NTM: variants seen among roughly 807,000 people sequenced by gnomAD.
NTM encodes the protein neurotrimin, also known as IgLON family member 2.
In NTM, 13 loss-of-function variants were observed where a neutral mutation model predicts 42.1. The ratio of observed to expected loss-of-function variants is 0.31; its 90% CI spans 0.20 to 0.49. The LOEUF (loss-of-function observed/expected upper bound fraction) is 0.49, where lower values mean the gene tolerates loss of function less well. NTM is among the 20% of genes least tolerant of loss of function. The pLI, the probability that NTM is intolerant of heterozygous loss-of-function variation, is 0.99. For missense variants in NTM, 373 were observed against 452.8 expected, an observed-to-expected ratio of 0.82 and a Z score of 1.60; for synonymous variants, 187 against 179.2, an observed-to-expected ratio of 1.04 and a Z score of -0.35.
intron 1 of NTM, among the ~76,000 whole-genome samples, chr11:131,608,889 G>C (rs931744282): frequency 5.9e-5 from 9 of 152,182 alleles, no homozygotes; most frequent in East Asian, 3.9e-4. Context: ...ATGGAGTCAT[G>C]ATGAAATATC....
intron 7 of NTM, chr11:132,315,111 A>G (rs1381041888): frequency 1.7e-5 from 17 of 991,242 alleles, no homozygotes; most frequent in Non-Finnish European, 1.9e-5. Context: ...ATGGCTCCTA[A>G]GCTGACTGTG....
chr11:131,774,981 T>C (rs191769292), intron 1 of NTM, among the ~76,000 whole-genome samples: 2 of 152,332 alleles, frequency 1.3e-5, no homozygotes, highest in Admixed American at 1.3e-4. Context: ...CACATCTCTC[T>C]GGGAGTTTTG....
rs189271837 is a variant in NTM at position 132,063,901 on chromosome 11, A to G, written c.168-82381A>G. Among the ~76,000 whole-genome samples the G allele has an allele frequency of 5.9e-5, 9 of 152,220 alleles. No individual in the cohort carries two copies. The East Asian group carries it at 1.2e-3, about 20-fold the overall frequency. The stretch of plus-strand genomic sequence containing the variant: ...TTCACCCTCTCTAAGCTTTTAGTCA[A>G]CTCTCCAGAGAGTCAGAATCTGTTA... On this transcript the variant is annotated intron_variant, in intron 2 of 8. Coordinates refer to ENST00000683400, the MANE Select transcript of NTM (RefSeq NM_001352005.2).
intron 3 of NTM, among the ~76,000 whole-genome samples, chr11:132,171,993 G>A (rs1344759712): frequency 2.6e-5 from 4 of 152,130 alleles, no homozygotes; most frequent in African/African-American, 4.8e-5. Context: ...TGTGGCCTTG[G>A]CCTATATTGG....
chr11:131,500,588 T>TACA (rs2046672140), intron 1 of NTM, among the ~76,000 whole-genome samples: 1 of 83,774 alleles, frequency 1.2e-5, no homozygotes, highest in Non-Finnish European at 2.6e-5. Flanking sequence ...TTTTTTTTTT[T>TACA]TTTTTTTGTA....
In NTM at chr11:132,094,178, A is replaced by G. The variant is rs182807243; in HGVS notation, c.168-52104A>G. ...AGTTTTATCTAGGTTATAGTTCACA[A>G]TGCACAGAGAAATCTTTAGGCTGAA... On this transcript the variant is annotated intron_variant, in intron 2 of 8. Coordinates refer to ENST00000683400, the MANE Select transcript of NTM (RefSeq NM_001352005.2). 1.4e-3 allele frequency among the ~76,000 whole-genome samples: 218 copies of G among 152,346 alleles called. 1 individual carries two copies. The highest frequency in any genetic ancestry group is 3.4e-3 in the Middle Eastern group (1 of 294).
chr11:132,092,723 C>G (rs2060515177), intron 2 of NTM, among the ~76,000 whole-genome samples: 1 of 152,170 alleles, frequency 6.6e-6, no homozygotes, highest in South Asian at 2.1e-4. Flanking sequence ...ACAGACCTCT[C>G]AAATTCAGTG....
At chr11:131,857,212 C>G (rs1230305034) in intron 1 of NTM, among the ~76,000 whole-genome samples, 1 of 152,196 alleles carries the variant, frequency 6.6e-6, no homozygotes, top group Non-Finnish European at 1.5e-5. Flanking sequence ...CTTTACTTGT[C>G]GTTGAAGTCT....
At chr11:131,586,648 A>G (rs986335315) in intron 1 of NTM, among the ~76,000 whole-genome samples, 3 of 152,068 alleles carry the variant, frequency 2.0e-5, no homozygotes, top group African/African-American at 7.2e-5. Flanking sequence ...CAGATTTTTG[A>G]CCCCAGAAAC....
intron 4 of NTM, among the ~76,000 whole-genome samples, chr11:132,290,443 G>C (rs1172764008): frequency 6.6e-6 from 1 of 152,130 alleles, no homozygotes; most frequent in Non-Finnish European, 1.5e-5. Flanking sequence ...AATAAGGACG[G>C]TGTCCTTCAT....
intron 3 of NTM, among the ~76,000 whole-genome samples, chr11:132,207,550 C>A (rs1263200022): frequency 6.6e-6 from 1 of 152,108 alleles, no homozygotes; most frequent in Non-Finnish European, 1.5e-5. Flanking sequence ...GTGCTTGAAT[C>A]ATCCTGAAAC....
At chr11:131,606,536 G>A (rs1217860450) in intron 1 of NTM, among the ~76,000 whole-genome samples, 1 of 152,220 alleles carries the variant, frequency 6.6e-6, no homozygotes, top group Non-Finnish European at 1.5e-5. Flanking sequence ...GGACAGCGAT[G>A]ACAGTAATGG....
At chr11:132,216,827 T>C (rs534967238) in intron 4 of NTM, among the ~76,000 whole-genome samples, 2 of 152,342 alleles carry the variant, frequency 1.3e-5, no homozygotes, top group South Asian at 4.2e-4. Flanking sequence ...TGTCCTTCAC[T>C]TTGATGTTGG....
intron 1 of NTM, among the ~76,000 whole-genome samples, chr11:131,760,781 G>C (rs1356743800): frequency 2.0e-5 from 3 of 152,102 alleles, no homozygotes; most frequent in East Asian, 1.9e-4. Flanking sequence ...AAGGGTCGCC[G>C]GGGTGACTAA....
intron 4 of NTM, among the ~76,000 whole-genome samples, chr11:132,219,062 A>G (rs2084544891): frequency 6.6e-6 from 1 of 151,952 alleles, no homozygotes; most frequent in Admixed American, 6.6e-5. Flanking sequence ...TTCTCCACAC[A>G]CCACAGTCAC....
intron 4 of NTM, among the ~76,000 whole-genome samples, chr11:132,241,326 G>A (rs1309365501): frequency 3.3e-5 from 5 of 152,064 alleles, no homozygotes; most frequent in Non-Finnish European, 7.4e-5. Flanking sequence ...GGCATATAAA[G>A]CCTATTTTAT....
intron 1 of NTM, among the ~76,000 whole-genome samples, chr11:131,778,005 A>T (rs1286042165): frequency 6.6e-6 from 1 of 152,230 alleles, no homozygotes; most frequent in Non-Finnish European, 1.5e-5. Context: ...ATCCCAAGGG[A>T]ATAATCCAGA....
intron 3 of NTM, among the ~76,000 whole-genome samples, chr11:132,192,296 A>C (rs1273046875): frequency 1.3e-5 from 2 of 152,228 alleles, no homozygotes; most frequent in African/African-American, 2.4e-5. Context: ...ATAGAACCTC[A>C]TCAGGCAAAC....
At chr11:131,997,664 T>C (rs1315677546) in intron 2 of NTM, among the ~76,000 whole-genome samples, 1 of 152,206 alleles carries the variant, frequency 6.6e-6, no homozygotes, top group East Asian at 1.9e-4. Context: ...TTTTTATCTT[T>C]TCGCTCTCTT....
Sources: gnomAD v4.1 joint callset for allele counts (sites outside exome capture counted in the v4.1 genomes callset) on GRCh38, gnomAD v4.1.1 for gene constraint, MANE v1.5 for transcripts, NCBI Gene and HGNC (gene_info 2026-07-23, HGNC 2026-07-21) for gene names.